The following ABCC5 variants were observed in gnomAD, a reference collection of about 807,000 sequenced individuals.
ABCC5 encodes ATP binding cassette subfamily C member 5, also known as ATP-binding cassette sub-family C member 5.
Under a neutral mutation model 160.9 loss-of-function variants are expected in ABCC5, and 61 were observed. That is an observed-to-expected ratio of 0.38 (90% CI 0.31 to 0.47). The LOEUF is 0.47. ABCC5 is among the 20% of genes least tolerant of loss of function. ABCC5 has a pLI of 0.99. For missense variants in ABCC5, 1,308 were observed against 1,813.3 expected, an observed-to-expected ratio of 0.72 and a Z score of 5.06; for synonymous variants, 666 against 700.6, an observed-to-expected ratio of 0.95 and a Z score of 0.78.
At chr3:183,997,753 A>G (rs1163125105) in intron 2 of ABCC5, among the ~76,000 whole-genome samples, 1 of 151,926 alleles carries the variant, frequency 6.6e-6, no homozygotes, top group Non-Finnish European at 1.5e-5. Context: ...TACCCATTCC[A>G]CTTCTGTTTA....
intron 2 of ABCC5, among the ~76,000 whole-genome samples, chr3:183,997,425 AC>A (rs1189060058): frequency 1.3e-5 from 2 of 152,222 alleles, no homozygotes; most frequent in Middle Eastern, 3.2e-3. Flanking sequence ...ATCCCAATTT[AC>A]TTAGCCAATA....
chr3:183,960,414 T>C (rs948545245), intron 16 of ABCC5, among the ~76,000 whole-genome samples: 1 of 152,154 alleles, frequency 6.6e-6, no homozygotes, highest in Non-Finnish European at 1.5e-5. Flanking sequence ...GCCCCTCCCC[T>C]TGTCCCAATC....
At chr3:183,942,562 T>C (rs1458903283) in intron 25 of ABCC5, 165 bp downstream of exon 25, 1 of 835,178 alleles carries the variant, frequency 1.2e-6, no homozygotes, top group African/African-American at 1.7e-5. Flanking sequence ...GCACTCAATG[T>C]CATCAAAGTG....
chr3:183,935,935 TA>T (rs1401285610), intron 26 of ABCC5, among the ~76,000 whole-genome samples: 1 of 152,178 alleles, frequency 6.6e-6, no homozygotes, highest in African/African-American at 2.4e-5. Context: ...AAAATAAACA[TA>T]CTCTAGGGTG....
chr3:183,973,881 A>C (rs1047248835), intron 10 of ABCC5, among the ~76,000 whole-genome samples: 2 of 152,202 alleles, frequency 1.3e-5, no homozygotes, highest in African/African-American at 4.8e-5. Context: ...TATTCAAAGG[A>C]TGAAGGTCTT....
rs151157854 is a variant in ABCC5, at chr3:183,974,045, A to G, written c.1405-2126T>C. 4.9e-3 allele frequency among the ~76,000 whole-genome samples: 743 copies of G among 152,332 alleles called. 24 individuals are homozygous for G. Among genetic ancestry groups the G allele is most frequent in the Admixed American group, 0.045 (683 of 15,290 alleles). ...ACTCTGCCCTGACGTGCTAAGAGGC[A>G]GAGAAGGGCCTCCCCATACTTGAAC... On this transcript the variant is annotated intron_variant, in intron 10 of 29. Coordinates refer to ENST00000334444, the MANE Select transcript of ABCC5 (RefSeq NM_005688.4).
At chr3:183,922,762 T>C (rs374814021) in intron 29 of ABCC5, among the ~76,000 whole-genome samples, 17 of 152,092 alleles carry the variant, frequency 1.1e-4, no homozygotes, top group Admixed American at 5.2e-4. Flanking sequence ...AGAGGAAGTC[T>C]CCTTGGTGCT....
chr3:183,923,168 T>C (rs1712175202), intron 29 of ABCC5, among the ~76,000 whole-genome samples: 1 of 151,866 alleles, frequency 6.6e-6, no homozygotes, highest in South Asian at 2.1e-4. Context: ...TGTGTGGTTT[T>C]TTTTTTTTAG....
chr3:184,012,011 C>T (rs1235392531), intron 2 of ABCC5, among the ~76,000 whole-genome samples: 1 of 77,998 alleles, frequency 1.3e-5, no homozygotes, highest in Non-Finnish European at 2.6e-5. Flanking sequence ...ATGCATAGAA[C>T]ACAACACACA....
At chr3:183,926,482 G>A (rs1712576123) in intron 28 of ABCC5, among the ~76,000 whole-genome samples, 2 of 151,296 alleles carry the variant, frequency 1.3e-5, no homozygotes, top group South Asian at 4.2e-4. Context: ...TCCAGGAGGT[G>A]GAGGTTGCAG....
At position 183,921,436 on chromosome 3, in the gene ABCC5, C is replaced by A. The variant is rs766180508; in HGVS notation, c.4213-35G>T. 1.1e-5 allele frequency: 17 copies of A among 1,599,598 alleles called. No individual in the cohort carries two copies. ...AAGGAGACGCCGTCAGGACACAGCT[C>A]TGGGTCATGCAGGGTGATTCAGAGG... is the stretch of plus-strand genomic sequence containing the variant. On this transcript the variant is annotated intron_variant, in intron 29 of 29. Coordinates refer to ENST00000334444, the MANE Select transcript of ABCC5 (RefSeq NM_005688.4). This position sits in a 1 kb window ranked among gnomAD's most constrained non-coding sequence, Gnocchi z 4.1.
At chr3:183,939,414 C>T (rs1175480424) in intron 25 of ABCC5, among the ~76,000 whole-genome samples, 1 of 152,188 alleles carries the variant, frequency 6.6e-6, no homozygotes, top group Admixed American at 6.5e-5. Flanking sequence ...GCCTGGGCGA[C>T]AGAACGAGAC....
chr3:184,010,395 G>C (rs1204391637), intron 2 of ABCC5: 1 of 151,924 alleles, frequency 6.6e-6, no homozygotes, highest in African/African-American at 2.4e-5. Context: ...CTGAGATAAG[G>C]CTTCAGTGGC....
At chr3:183,994,112 C>T (rs1437224933) in intron 2 of ABCC5, among the ~76,000 whole-genome samples, 2 of 151,950 alleles carry the variant, frequency 1.3e-5, no homozygotes, top group African/African-American at 4.8e-5. Flanking sequence ...TACAAATGCC[C>T]ACCACCAACC....
chr3:183,932,636 C>T (rs1028063532), intron 26 of ABCC5, among the ~76,000 whole-genome samples: 5 of 152,164 alleles, frequency 3.3e-5, no homozygotes, highest in Non-Finnish European at 5.9e-5. Context: ...AAATTACTCT[C>T]ACTCTCTGGA....
At chr3:184,004,786 C>G (rs995544928) in intron 2 of ABCC5, among the ~76,000 whole-genome samples, 4 of 152,100 alleles carry the variant, frequency 2.6e-5, no homozygotes, top group African/African-American at 9.7e-5. Flanking sequence ...GAAAAGTAAA[C>G]AGAAGGTTGT....
intron 2 of ABCC5, among the ~76,000 whole-genome samples, chr3:183,993,163 C>A (rs1009887400): frequency 2.0e-5 from 3 of 152,128 alleles, no homozygotes; most frequent in Admixed American, 6.5e-5. Flanking sequence ...TGAGAGTCTA[C>A]AATTCCACTT....
In ABCC5 at chr3:183,989,298, A is replaced by G; in HGVS notation, c.215T>C (p.Leu72Pro). 6.2e-7 allele frequency: 1 copy of G among 1,614,046 alleles called. No individual in the cohort carries two copies. Among genetic ancestry groups the G allele is most frequent in the Non-Finnish European group, 8.5e-7 (1 of 1,180,004 alleles). Residue 72 changes from leucine (L) to proline (P), a missense_variant, in exon 3 of 30, where the codon CTG becomes CCG. Physicochemically the swap from Leu to Pro is moderately conservative, Grantham distance 98. Coordinates refer to ENST00000334444, the MANE Select transcript of ABCC5 (RefSeq NM_005688.4). Reference protein sequence around the residue: ...DASMHSQLRILDEEHPKGKYH... With the variant: ...DASMHSQLRIPDEEHPKGKYH... ...CTTTCCCTTGGGATGCTCCTCATCC[A>G]GGATTCTGAGCTGAGAATGCATGGA...
At chr3:183,943,051 A>T in intron 24 of ABCC5, 135 bp from the exon 25 acceptor site, 1 of 841,460 alleles carries the variant, frequency 1.2e-6, no homozygotes, top group East Asian at 2.6e-5. Context: ...CCTTGCTAGG[A>T]AAGAATCCCT....
Sources: gnomAD v4.1 joint callset for allele counts (sites outside exome capture counted in the v4.1 genomes callset) on GRCh38, gnomAD v4.1.1 for gene constraint, Gnocchi (gnomAD v3.1) non-coding constraint, MANE v1.5 for transcripts, NCBI Gene and HGNC (gene_info 2026-07-23, HGNC 2026-07-21) for gene names.